Variants in ZNF638 observed in about 807,000 individuals in gnomAD.
The protein encoded by ZNF638 is CTCL tumor antigen se33-1.
In ZNF638, 46 loss-of-function variants were observed where a neutral mutation model predicts 195.6. The ratio of observed to expected loss-of-function variants is 0.24; its 90% CI spans 0.19 to 0.30. ZNF638 has a LOEUF of 0.30. Ranked by LOEUF, ZNF638 falls within the 10% of genes least tolerant of loss-of-function variation. The pLI, the probability that ZNF638 is intolerant of heterozygous loss-of-function variation, is 1.00. For missense variants in ZNF638, 2,440 were observed against 2,325.3 expected (o/e 1.05, Z -1.01); for synonymous variants, 845 against 772.0 (o/e 1.09, Z -1.57).
chr2:71,356,806 T>A (rs888392373), intron 3 of ZNF638, among the ~76,000 whole-genome samples: 4 of 151,882 alleles, frequency 2.6e-5, no homozygotes, highest in African/African-American at 7.3e-5. Context: ...TTTTTTTTTT[T>A]AAGTAAGAAT....
Position 71,434,865 on chromosome 2 carries a change from T to C in ZNF638, c.*58T>C. 7.0e-7 allele frequency: 1 copy of C among 1,427,086 alleles called. No homozygotes were observed. The allele number at this position is 1,427,086 out of a possible 1,614,324, so 88.4% of individuals were successfully genotyped here. A position where few individuals can be genotyped will look rare whatever the true frequency, so the allele number is the denominator to read the frequency against. On this transcript the variant is annotated 3_prime_UTR_variant, in exon 28 of 28. Transcript: ENST00000264447. ...GTTTAGGGTCCAGTTGATTTGTGTA[T>C]TTTTGTTATCATTTAATTTGTAATT...
chr2:71,391,937 C>T (rs1283963888), intron 10 of ZNF638, among the ~76,000 whole-genome samples: 1 of 152,132 alleles, frequency 6.6e-6, no homozygotes, highest in Non-Finnish European at 1.5e-5. Flanking sequence ...AAACACTCCT[C>T]TACAGGATTA....
chr2:71,338,767 G>A (rs2078714208), intron 1 of ZNF638, among the ~76,000 whole-genome samples: 1 of 152,104 alleles, frequency 6.6e-6, no homozygotes, highest in African/African-American at 2.4e-5. Context: ...CCCCTTCAAT[G>A]TATTGTGGTA....
In ZNF638 at chr2:71,365,455, G is replaced by T. The variant is rs1233087904; in HGVS notation, c.1744G>T (p.Val582Leu). 2 of 1,610,604 alleles carry T rather than the reference G, an allele frequency of 1.2e-6. No homozygotes were observed. Among genetic ancestry groups the T allele is most frequent in the African/African-American group, 2.7e-5 (2 of 74,702 alleles). The change falls in exon 6 of 28, where the codon GTA becomes TTA. Residue 582 changes from valine to leucine, a missense_variant. Around this residue, in one of 5 missense-constraint regions of ZNF638, gnomAD observed 1,883 missense variants for 1,739.1 expected, o/e 1.08. Coordinates refer to ENST00000264447, the MANE Select transcript of ZNF638 (RefSeq NM_014497.5). ...TAGAAAAAAAGCATTAGAAGATGTAGTACAACGATCTGGGCATGGGACAGA... is the reference window on the plus strand; with the variant it reads ...TAGAAAAAAAGCATTAGAAGATGTATTACAACGATCTGGGCATGGGACAGA... ...SDRKKALEDV[V>L]QRSGHGTEFN...
At chr2:71,337,626 G>A (rs767560430) in intron 1 of ZNF638, among the ~76,000 whole-genome samples, 7 of 124,342 alleles carry the variant, frequency 5.6e-5, no homozygotes, top group African/African-American at 8.5e-5. Context: ...GGCTGGTCTC[G>A]AACTCCTGAG....
chr2:71,429,536 A>G (rs1374269427), intron 25 of ZNF638, among the ~76,000 whole-genome samples: 1 of 152,228 alleles, frequency 6.6e-6, no homozygotes, highest in Non-Finnish European at 1.5e-5. Flanking sequence ...TACACATAAA[A>G]TATAAAATTT....
chr2:71,338,650 T>A (rs1291415024), intron 1 of ZNF638, among the ~76,000 whole-genome samples: 1 of 152,244 alleles, frequency 6.6e-6, no homozygotes, highest in East Asian at 1.9e-4. Context: ...ATAAATCGTT[T>A]TTTATTTATT....
At chr2:71,395,602 T>TG (rs2079876929) in intron 10 of ZNF638, 2 of 574,222 alleles carry the variant, frequency 3.5e-6, no homozygotes, top group Admixed American at 2.2e-5. Flanking sequence ...CCCAAGGCGG[T>TG]GGGGGTGACA....
At chr2:71,363,239 A>G (rs1246418831) in intron 4 of ZNF638, 48 bp downstream of exon 4, 1 of 1,338,074 alleles carries the variant, frequency 7.5e-7, no homozygotes, top group Non-Finnish European at 1.0e-6. Flanking sequence ...TGTCTTTTAA[A>G]AGTAAACAGT....
chr2:71,361,285 G>A (rs1396471481), intron 3 of ZNF638, among the ~76,000 whole-genome samples: 1 of 152,178 alleles, frequency 6.6e-6, no homozygotes, highest in East Asian at 1.9e-4. Context: ...TAGTCTTCAA[G>A]CTCTTGTGAA....
At chr2:71,409,050 G>A (rs2080160854) in intron 20 of ZNF638, among the ~76,000 whole-genome samples, 1 of 151,994 alleles carries the variant, frequency 6.6e-6, no homozygotes, top group Non-Finnish European at 1.5e-5. Context: ...CTGTTATTCA[G>A]TTGTGTTCAA....
At chr2:71,342,421 C>A (rs756640727) in intron 1 of ZNF638, among the ~76,000 whole-genome samples, 2 of 152,114 alleles carry the variant, frequency 1.3e-5, no homozygotes, top group Non-Finnish European at 2.9e-5. Context: ...TTCACTCTTT[C>A]CCTCACCTCC....
At chr2:71,341,321 A>G (rs2078758343) in intron 1 of ZNF638, among the ~76,000 whole-genome samples, 1 of 152,240 alleles carries the variant, frequency 6.6e-6, no homozygotes, top group African/African-American at 2.4e-5. Context: ...TTACTTGTTA[A>G]AACAGTTCAA....
At chr2:71,431,201 A>G in intron 25 of ZNF638, 126 bp from the exon 26 acceptor site, 2 of 671,788 alleles carry the variant, frequency 3.0e-6, no homozygotes, top group East Asian at 2.9e-5. Flanking sequence ...TGTGCAAAGA[A>G]TGGCCAGATG....
At chr2:71,374,961 C>T (rs1046923542) in intron 8 of ZNF638, 3 of 151,872 alleles carry the variant, frequency 2.0e-5, no homozygotes, top group African/African-American at 7.2e-5. Flanking sequence ...TTTAGATTTC[C>T]TTTTATGCCC....
At chr2:71,419,074 G>A (rs1221031364) in intron 21 of ZNF638, among the ~76,000 whole-genome samples, 2 of 152,076 alleles carry the variant, frequency 1.3e-5, no homozygotes, top group Non-Finnish European at 2.9e-5. Context: ...ACTGGGTTGG[G>A]GCGAGTAAGT....
At chr2:71,356,512 T>G (rs778893429) in intron 3 of ZNF638, among the ~76,000 whole-genome samples, 3 of 152,168 alleles carry the variant, frequency 2.0e-5, no homozygotes, top group Non-Finnish European at 4.4e-5. Flanking sequence ...AAGTTGCAGA[T>G]TAGTTGCTGG....
Position 71,349,288 on chromosome 2 carries a change from G to A in ZNF638, c.334G>A (p.Ala112Thr), listed in dbSNP as rs147124716. The A allele has an allele frequency of 1.2e-6, 2 of 1,614,080 alleles. No homozygotes were observed. The highest frequency in any genetic ancestry group is 1.7e-6 in the Non-Finnish European group (2 of 1,180,050). The change falls in exon 2 of 28, where the codon GCA becomes ACA. Residue 112 changes from alanine to threonine, a missense_variant. Around this residue, in one of 5 missense-constraint regions of ZNF638, gnomAD observed 191 missense variants for 173.8 expected, o/e 1.10. Coordinates refer to ENST00000264447, the MANE Select transcript of ZNF638 (RefSeq NM_014497.5). ...SRWDDEPHIS[A>T]SVAVKQSSVT... ...GTGGGATGATGAGCCTCATATATCTGCATCAGTGGCAGTGAAACAGAGTTC... is the reference window on the plus strand; with the variant it reads ...GTGGGATGATGAGCCTCATATATCTACATCAGTGGCAGTGAAACAGAGTTC...
intron 6 of ZNF638, 145 bp downstream of exon 6, chr2:71,365,851 CTGG>C: frequency 1.2e-6 from 1 of 814,866 alleles, no homozygotes; most frequent in Non-Finnish European, 1.9e-6. Flanking sequence ...TCCCAAGTAG[CTGG>C]CACCACAGGC....
Sources: allele counts gnomAD v4.1 joint callset (sites outside exome capture counted in the v4.1 genomes callset), GRCh38; gene constraint gnomAD v4.1.1; regional missense constraint gnomAD v4.1.1; transcripts MANE v1.5; gene names NCBI Gene and HGNC (gene_info 2026-07-23, HGNC 2026-07-21).